ERBB4: variants seen among roughly 807,000 people sequenced by gnomAD.
ERBB4 encodes the protein erb-b2 receptor tyrosine kinase 4.
In ERBB4, 42 loss-of-function variants were observed where a neutral mutation model predicts 158.0. The ratio of observed to expected loss-of-function variants is 0.27; its 90% CI spans 0.21 to 0.34. The LOEUF (loss-of-function observed/expected upper bound fraction) is 0.34. Among genes scored for constraint, ERBB4 ranks in the 10% least tolerant of loss-of-function variants. The pLI is 1.00. For missense variants in ERBB4, 1,333 were observed against 1,624.1 expected (o/e 0.82, Z 3.08); for synonymous variants, 583 against 558.7 (o/e 1.04, Z -0.61).
chr2:211,972,028 C>T (rs2081468963), intron 2 of ERBB4, among the ~76,000 whole-genome samples: 1 of 152,094 alleles, frequency 6.6e-6, no homozygotes, highest in Admixed American at 6.6e-5. Context: ...TAGTCTCAGC[C>T]CAAAGGCTTC....
intron 1 of ERBB4, among the ~76,000 whole-genome samples, chr2:212,174,125 T>C (rs895726917): frequency 6.6e-6 from 1 of 152,062 alleles, no homozygotes; most frequent in African/African-American, 2.4e-5. Context: ...GAGACGTATG[T>C]CAAGAACAGT....
intron 20 of ERBB4, among the ~76,000 whole-genome samples, chr2:211,471,695 GAGA>G (rs1422872531): frequency 1.3e-5 from 2 of 152,104 alleles, no homozygotes; most frequent in Admixed American, 1.3e-4. Flanking sequence ...CTTCCAAAAT[GAGA>G]AGGTGGTTGA....
intron 5 of ERBB4, among the ~76,000 whole-genome samples, chr2:211,740,961 C>T (rs573199415): frequency 3.7e-4 from 57 of 152,280 alleles, no homozygotes; most frequent in African/African-American, 1.2e-3. Flanking sequence ...GAATATAATA[C>T]ATTTCAATAA....
chr2:212,277,701 AT>A (rs1253849940), intron 1 of ERBB4, among the ~76,000 whole-genome samples: 3 of 151,684 alleles, frequency 2.0e-5, no homozygotes, highest in Non-Finnish European at 4.4e-5. Context: ...CTGCATGCTT[AT>A]TATTTGCTTT....
At chr2:212,363,047 A>C (rs1204059068) in intron 1 of ERBB4, among the ~76,000 whole-genome samples, 1 of 151,402 alleles carries the variant, frequency 6.6e-6, no homozygotes, top group Non-Finnish European at 1.5e-5. Flanking sequence ...GCAGAGATTA[A>C]ATTTAGCAGT....
At chr2:212,160,987 T>G in intron 1 of ERBB4, among the ~76,000 whole-genome samples, 1 of 151,640 alleles carries the variant, frequency 6.6e-6, no homozygotes, top group African/African-American at 2.4e-5. Flanking sequence ...CAAAGTAGAG[T>G]GAAATAAAAT....
chr2:212,055,272 G>A (rs1434555124), intron 2 of ERBB4, among the ~76,000 whole-genome samples: 1 of 152,210 alleles, frequency 6.6e-6, no homozygotes, highest in Non-Finnish European at 1.5e-5. Flanking sequence ...CATTGCTGAG[G>A]CTTGAGTAGG....
chr2:212,319,909 C>T (rs2087479717), intron 1 of ERBB4, among the ~76,000 whole-genome samples: 1 of 150,140 alleles, frequency 6.7e-6, no homozygotes, highest in South Asian at 2.1e-4. Flanking sequence ...AGCTAGGGGC[C>T]AAGAACACAA....
chr2:211,999,054 A>C lies in ERBB4; in HGVS notation c.235-51438T>G, dbSNP rs564424924. Among the ~76,000 whole-genome samples, 3 of 151,842 alleles carry C rather than the reference A, an allele frequency of 2.0e-5. No individual in the cohort carries two copies. In the South Asian group the frequency reaches 6.2e-4, roughly 32 times the overall value. On this transcript the variant is annotated intron_variant, in intron 2 of 27. Coordinates refer to ENST00000342788, the MANE Select transcript of ERBB4 (RefSeq NM_005235.3). ...TTCTTAGAATATTTTTATTTTAATCAAACTAGAACATGTCTCTCAATAAAG... is the reference window on the plus strand; with the variant it reads ...TTCTTAGAATATTTTTATTTTAATCCAACTAGAACATGTCTCTCAATAAAG...
chr2:211,868,010 T>C lies in ERBB4; in HGVS notation c.421+79420A>G, dbSNP rs11903172. On this transcript the variant is annotated intron_variant, in intron 3 of 27. Coordinates refer to ENST00000342788, the MANE Select transcript of ERBB4 (RefSeq NM_005235.3). ...CTCAAGAATGGGATAAGATCCATAG[T>C]ACTTTTTGAAGTTCCAGATTCTACT... Among the ~76,000 whole-genome samples the C allele has an allele frequency of 5.9e-3, 893 of 152,362 alleles. 6 individuals are homozygous for C. Among genetic ancestry groups the C allele is most frequent in the African/African-American group, 0.021 (854 of 41,588 alleles).
chr2:211,440,250 G>A (rs1469146943), intron 20 of ERBB4, among the ~76,000 whole-genome samples: 1 of 152,162 alleles, frequency 6.6e-6, no homozygotes, highest in Non-Finnish European at 1.5e-5. Flanking sequence ...AACTCTCACA[G>A]GGAGGTGTAC....
intron 16 of ERBB4, among the ~76,000 whole-genome samples, chr2:211,636,331 A>C (rs2070360422): frequency 6.6e-6 from 1 of 152,024 alleles, no homozygotes; most frequent in Non-Finnish European, 1.5e-5. Flanking sequence ...TCTAAGTTTT[A>C]ATCATATGTC....
intron 1 of ERBB4, among the ~76,000 whole-genome samples, chr2:212,203,959 C>T (rs1271921016): frequency 6.6e-6 from 1 of 152,220 alleles, no homozygotes; most frequent in Non-Finnish European, 1.5e-5. Flanking sequence ...CTGTAGTATT[C>T]ATCCCTTCTT....
At chr2:211,882,882 C>T (rs372855336) in intron 3 of ERBB4, among the ~76,000 whole-genome samples, 1 of 152,166 alleles carries the variant, frequency 6.6e-6, no homozygotes, top group Admixed American at 6.5e-5. Context: ...ATATCTATTA[C>T]CTATCTCCTT....
intron 1 of ERBB4, among the ~76,000 whole-genome samples, chr2:212,192,821 G>A (rs1209634733): frequency 2.0e-5 from 3 of 148,132 alleles, no homozygotes; most frequent in Middle Eastern, 3.4e-3. Flanking sequence ...TGAAAAGTTT[G>A]CCCAGTTACA....
intron 11 of ERBB4, 93 bp downstream of exon 11, chr2:211,704,011 G>A: frequency 2.5e-6 from 2 of 814,350 alleles, no homozygotes; most frequent in Non-Finnish European, 4.4e-6. Context: ...CCCAGAATCA[G>A]TAAATCAATA....
intron 1 of ERBB4, among the ~76,000 whole-genome samples, chr2:212,455,654 T>C (rs1212633853): frequency 6.6e-6 from 1 of 152,096 alleles, no homozygotes; most frequent in Non-Finnish European, 1.5e-5. Flanking sequence ...TTACTCTTAC[T>C]AAAGTAAAGA....
At chr2:211,519,743 T>C (rs943838071) in intron 20 of ERBB4, among the ~76,000 whole-genome samples, 2 of 152,176 alleles carry the variant, frequency 1.3e-5, no homozygotes, top group African/African-American at 4.8e-5. Context: ...CTTGCATTTC[T>C]AATTGCATCA....
intron 9 of ERBB4, among the ~76,000 whole-genome samples, chr2:211,707,214 T>C (rs6435660): frequency 0.51 from 77,718 of 151,994 alleles, 21,055 homozygotes; most frequent in Non-Finnish European, 0.6. Flanking sequence ...AACATGAAGC[T>C]CAGTGGACCA....
Sources: gnomAD v4.1 joint callset for allele counts (sites outside exome capture counted in the v4.1 genomes callset) on GRCh38, gnomAD v4.1.1 for gene constraint, MANE v1.5 for transcripts, NCBI Gene and HGNC (gene_info 2026-07-23, HGNC 2026-07-21) for gene names.